GRIK4: variants seen among roughly 807,000 people sequenced by gnomAD.
GRIK4 encodes glutamate receptor ionotropic, kainate 4.
GRIK4 carries 40 observed loss-of-function variants against 104.9 expected under a neutral mutation model. That is an observed-to-expected ratio of 0.38 (90% CI 0.30 to 0.50). GRIK4 has a LOEUF of 0.50. Ranked by LOEUF, GRIK4 falls within the 20% of genes least tolerant of loss-of-function variation. GRIK4 has a pLI of 0.93. For synonymous variants in GRIK4, 485 were observed against 524.9 expected (o/e 0.92, Z 1.04); for missense variants, 1,047 against 1,308.1 (o/e 0.80, Z 3.08).
intron 1 of GRIK4, among the ~76,000 whole-genome samples, chr11:120,618,082 A>G (rs1432067060): frequency 6.6e-6 from 1 of 152,172 alleles, no homozygotes; most frequent in African/African-American, 2.4e-5. Context: ...ACCCAAATGC[A>G]GATAGTGATA....
intron 3 of GRIK4, among the ~76,000 whole-genome samples, chr11:120,694,577 G>A (rs1950412264): frequency 6.6e-6 from 1 of 152,090 alleles, no homozygotes; most frequent in South Asian, 2.1e-4. Flanking sequence ...GGGTGCTCTG[G>A]GGGGCATAGT....
chr11:120,962,602 C>T lies in GRIK4; in HGVS notation c.2187C>T (p.Tyr729=). 1 of 1,614,132 alleles carries T rather than the reference C, an allele frequency of 6.2e-7. No homozygotes were observed. Residue 729 remains tyrosine (Y), a synonymous_variant, in exon 18 of 21, where the codon TAC becomes TAT. Transcript: ENST00000527524. ...AFLLESTMNE[Y]YRQRNCNLTQ... is the part of the protein sequence containing the mutation. ...TCCTGGAATCCACCATGAACGAGTA[C>T]TATCGGCAGCGAAACTGCAACCTCA... is the stretch of plus-strand genomic sequence containing the variant.
chr11:120,800,544 A>G (rs1174821137), intron 3 of GRIK4, among the ~76,000 whole-genome samples: 1 of 152,170 alleles, frequency 6.6e-6, no homozygotes, highest in Non-Finnish European at 1.5e-5. Context: ...CGGGTGGCTA[A>G]TCACCCCAGG....
intron 7 of GRIK4, among the ~76,000 whole-genome samples, chr11:120,833,297 C>G (rs1420483506): frequency 6.6e-6 from 1 of 152,000 alleles, no homozygotes; most frequent in Non-Finnish European, 1.5e-5. Flanking sequence ...CTCTGACACA[C>G]ACACACACAC....
chr11:120,830,798 A>G (rs1028605266), intron 6 of GRIK4, among the ~76,000 whole-genome samples: 4 of 152,280 alleles, frequency 2.6e-5, no homozygotes, highest in African/African-American at 9.6e-5. Context: ...TTTGGGAGCA[A>G]ACGCCTACGT....
At chr11:120,957,757 A>G (rs1233213774) in intron 16 of GRIK4, among the ~76,000 whole-genome samples, 1 of 152,134 alleles carries the variant, frequency 6.6e-6, no homozygotes, top group Non-Finnish European at 1.5e-5. Context: ...CTGTTTAGCC[A>G]AAGGAAAAGG....
chr11:120,776,082 G>T (rs117699325), intron 3 of GRIK4, among the ~76,000 whole-genome samples: 1 of 152,164 alleles, frequency 6.6e-6, no homozygotes, highest in African/African-American at 2.4e-5. Flanking sequence ...TAAATGTGGC[G>T]GAGAAAGGTC....
At chr11:120,712,647 C>G (rs1315228176) in intron 3 of GRIK4, among the ~76,000 whole-genome samples, 2 of 151,396 alleles carry the variant, frequency 1.3e-5, no homozygotes, top group South Asian at 4.2e-4. Context: ...AAAACTTCTA[C>G]TTAAATTCTG....
chr11:120,977,481 G>A (rs532797032), intron 19 of GRIK4, among the ~76,000 whole-genome samples: 2 of 152,292 alleles, frequency 1.3e-5, no homozygotes, highest in East Asian at 3.9e-4. Context: ...AGTGTTAAAT[G>A]GAACTGCTGC....
At chr11:120,795,368 C>G (rs1952490022) in intron 3 of GRIK4, among the ~76,000 whole-genome samples, 1 of 152,142 alleles carries the variant, frequency 6.6e-6, no homozygotes, top group Non-Finnish European at 1.5e-5. Flanking sequence ...CCCGGGGGAC[C>G]CTGGAGGCCT....
At chr11:120,880,500 A>C (rs73584429) in intron 11 of GRIK4, among the ~76,000 whole-genome samples, 11,398 of 152,256 alleles carry the variant, frequency 0.075, 1,355 homozygotes, top group African/African-American at 0.26. Flanking sequence ...AAGTCCAAGT[A>C]CAAGTACAAG....
chr11:120,511,764 C>T lies in GRIK4; in HGVS notation c.-282C>T, dbSNP rs776988617. On this transcript the variant is annotated 5_prime_UTR_variant, in exon 1 of 21. Transcript: ENST00000527524. ...GCCGGACACAGACTGCCTTCAGCTGCGGGCGGATCGGGCTGGAGCCGCCAC... is the reference window on the plus strand; with the variant it reads ...GCCGGACACAGACTGCCTTCAGCTGTGGGCGGATCGGGCTGGAGCCGCCAC... The T allele has an allele frequency of 5.9e-6, 2 of 338,044 alleles. No individual in the cohort carries two copies. Among genetic ancestry groups the T allele is most frequent in the Middle Eastern group, 9.9e-4 (1 of 1,010 alleles). The allele number at this position is 338,044 out of a possible 1,614,324, so 20.9% of individuals were successfully genotyped here.
At chr11:120,895,079 C>T (rs750871934) in intron 11 of GRIK4, among the ~76,000 whole-genome samples, 10 of 152,058 alleles carry the variant, frequency 6.6e-5, no homozygotes, top group African/African-American at 2.4e-4. Context: ...TGGGAAGGTG[C>T]GTTGCTCAGG....
rs74406053 is a variant in GRIK4 at position 120,706,699 on chromosome 11, A to G, written c.82+46299A>G. Among the ~76,000 whole-genome samples, 1,380 of 152,308 alleles carry G rather than the reference A, an allele frequency of 9.1e-3. 22 individuals are homozygous for G. The highest frequency in any genetic ancestry group is 0.044 in the South Asian group (210 of 4,822). Reference sequence around the variant, plus strand: ...GACATATAGGTAGTCTGCTGCATGCAGTATCAAAGCAATATGTGAGGTTGA... The same window carrying G: ...GACATATAGGTAGTCTGCTGCATGCGGTATCAAAGCAATATGTGAGGTTGA... On this transcript the variant is annotated intron_variant, in intron 3 of 20. Transcript: ENST00000527524.
intron 2 of GRIK4, among the ~76,000 whole-genome samples, chr11:120,659,741 T>G (rs1028978925): frequency 6.6e-6 from 1 of 152,212 alleles, no homozygotes; most frequent in Non-Finnish European, 1.5e-5. Flanking sequence ...GAGGGTTTTG[T>G]TTGTTTGAGA....
Position 120,524,560 on chromosome 11 carries a change from C to T in GRIK4, c.-159+12673C>T, listed in dbSNP as rs1947837269. On this transcript the variant is annotated intron_variant, in intron 1 of 20. Transcript: ENST00000527524. The surrounding 1 kb of genome is among the most constrained non-coding windows in gnomAD (Gnocchi z 4.5). ...ACCTTGGCTCCAGGCACTTTACCCC[C>T]TCCTCGAACCCAGATGAGCCTGGCA... 6.6e-6 allele frequency among the ~76,000 whole-genome samples: 1 copy of T among 152,170 alleles called. No individual in the cohort carries two copies. Among genetic ancestry groups the T allele is most frequent in the Non-Finnish European group, 1.5e-5 (1 of 68,030 alleles).
intron 13 of GRIK4, among the ~76,000 whole-genome samples, chr11:120,924,956 A>T (rs906916307): frequency 2.4e-4 from 37 of 152,156 alleles, no homozygotes; most frequent in Non-Finnish European, 5.1e-4. Flanking sequence ...GCACATACTG[A>T]TAGGAAATGA....
chr11:120,820,703 T>C (rs1472896322), intron 6 of GRIK4, among the ~76,000 whole-genome samples: 4 of 152,208 alleles, frequency 2.6e-5, no homozygotes, highest in Admixed American at 1.3e-4. Flanking sequence ...TGGGGGTTTT[T>C]ATGGGTTGCA....
intron 3 of GRIK4, among the ~76,000 whole-genome samples, chr11:120,673,116 T>C (rs1950047353): frequency 6.6e-6 from 1 of 152,226 alleles, no homozygotes; most frequent in African/African-American, 2.4e-5. Flanking sequence ...TTCTCTGCTT[T>C]ATTTTTCTAT....
Sources: allele counts gnomAD v4.1 joint callset (sites outside exome capture counted in the v4.1 genomes callset), GRCh38; gene constraint gnomAD v4.1.1; non-coding constraint Gnocchi (gnomAD v3.1); transcripts MANE v1.5; gene names NCBI Gene and HGNC (gene_info 2026-07-23, HGNC 2026-07-21).